The following CCDC175 variants were observed in gnomAD, a reference collection of about 807,000 sequenced individuals.
The protein encoded by CCDC175 is coiled-coil domain containing 175, also known as coiled-coil domain-containing protein 175.
CCDC175 carries 100 observed loss-of-function variants against 114.6 expected under a neutral mutation model. The ratio of observed to expected loss-of-function variants is 0.87; its 90% confidence interval spans 0.74 to 1.03. CCDC175 has a LOEUF of 1.03. Ranked by LOEUF, CCDC175 falls within the 50% of genes least tolerant of loss-of-function variation. The pLI is 0.00. For synonymous variants in CCDC175, 306 were observed against 308.7 expected, an observed-to-expected ratio of 0.99 and a Z score of 0.09; for missense variants, 880 against 917.8, an observed-to-expected ratio of 0.96 and a Z score of 0.53.
intron 10 of CCDC175, among the ~76,000 whole-genome samples, chr14:59,542,802 G>A (rs1474506994): frequency 6.6e-6 from 1 of 151,778 alleles, no homozygotes; most frequent in Non-Finnish European, 1.5e-5. Flanking sequence ...ATCCTCCTAG[G>A]TATAATTTTA....
chr14:59,525,220 C>T (rs1893674178), intron 16 of CCDC175, 62 bp downstream of exon 16: 1 of 1,179,004 alleles, frequency 8.5e-7, no homozygotes, highest in South Asian at 1.9e-5. Flanking sequence ...TCTCTTATAA[C>T]TATTACAGGT....
intron 19 of CCDC175, chr14:59,510,372 C>G (rs559070511): frequency 6.9e-6 from 2 of 289,234 alleles, no homozygotes; most frequent in African/African-American, 2.2e-5. Flanking sequence ...GTTTAAAAAG[C>G]CTTCTCTGGA....
intron 15 of CCDC175, 96 bp downstream of exon 15, chr14:59,526,999 T>C: frequency 1.6e-6 from 1 of 637,752 alleles, no homozygotes; most frequent in Non-Finnish European, 2.5e-6. Context: ...CAAATGTGGA[T>C]TTCATGAAAA....
rs369165673 is a variant in CCDC175, at chr14:59,527,515, T to C, written c.1763-341A>G. ...AACCTCTATATTTCATCCCTAACCTTCCTATAAAGTTATAGTTTTTGTTTA... is the reference window on the plus strand; with the variant it reads ...AACCTCTATATTTCATCCCTAACCTCCCTATAAAGTTATAGTTTTTGTTTA... On this transcript the variant is annotated intron_variant, in intron 14 of 19. Coordinates refer to ENST00000537690, the MANE Select transcript of CCDC175 (RefSeq NM_001164399.2). Among the ~76,000 whole-genome samples, 5 of 152,280 alleles carry C rather than the reference T, an allele frequency of 3.3e-5. No homozygotes were observed. The East Asian group carries it at 9.6e-4, about 29-fold the overall frequency.
chr14:59,563,760 C>G lies in CCDC175; in HGVS notation c.820G>C (p.Glu274Gln). 7.0e-7 allele frequency: 1 copy of G among 1,437,390 alleles called. No individual in the cohort carries two copies. Among genetic ancestry groups the G allele is most frequent in the Non-Finnish European group, 9.1e-7 (1 of 1,097,892 alleles). 89.0% of individuals were successfully genotyped at this position (1,437,390 alleles called of 1,614,324 possible). Residue 274 changes from glutamate (E) to glutamine (Q), a missense_variant, in exon 6 of 20, where the codon GAA becomes CAA. Physicochemically the swap from Glu to Gln is conservative, Grantham distance 29 (BLOSUM62 2). Coordinates refer to ENST00000537690, the MANE Select transcript of CCDC175 (RefSeq NM_001164399.2). ...KLQTKMSKIK[E>Q]TVTVSAAVLS... ...ACCGCTGCGGAAACAGTAACTGTTT[C>G]TTTTATTTTTGACATTTTAGTTTGT...
rs1030277859 is a variant in CCDC175 at position 59,518,765 on chromosome 14, C to G, written c.2098+2809G>C. 1.6e-4 allele frequency among the ~76,000 whole-genome samples: 24 copies of G among 152,086 alleles called. 1 individual carries two copies. The highest frequency in any genetic ancestry group is 5.8e-4 in the African/African-American group (24 of 41,404). ...CATTGTGGAAGTCAGTGTGGTGATTCCTCAGGGATCTAGAACTAGAAATAC... is the reference window on the plus strand; with the variant it reads ...CATTGTGGAAGTCAGTGTGGTGATTGCTCAGGGATCTAGAACTAGAAATAC... On this transcript the variant is annotated intron_variant, in intron 17 of 19. Transcript: ENST00000537690.
At position 59,568,248 on chromosome 14, in the gene CCDC175, A is replaced by G. The variant is rs1247676566; in HGVS notation, c.488T>C (p.Leu163Pro). 1 of 1,528,340 alleles carries G rather than the reference A, an allele frequency of 6.5e-7. No homozygotes were observed. The highest frequency in any genetic ancestry group is 8.7e-7 in the Non-Finnish European group (1 of 1,144,850). 94.7% of individuals were successfully genotyped at this position (1,528,340 alleles called of 1,614,324 possible). Residue 163 changes from leucine to proline, a missense_variant, in exon 4 of 20, where the codon CTG (leucine) becomes CCG (proline). Coordinates refer to ENST00000537690, the MANE Select transcript of CCDC175 (RefSeq NM_001164399.2). ...ITDLTKYNEA[L>P]GEKQEELARK... ...TACTGAATATAAGAATACCTACCCC[A>G]GAGCTTCATTATATTTTGTCAGGTC...
intron 16 of CCDC175, among the ~76,000 whole-genome samples, chr14:59,524,572 G>A (rs1245972907): frequency 4.6e-5 from 7 of 152,200 alleles, no homozygotes; most frequent in Admixed American, 4.6e-4. Context: ...GAAAAAGACA[G>A]TTTTGTGAGA....
intron 7 of CCDC175, among the ~76,000 whole-genome samples, chr14:59,560,391 C>G (rs1356789769): frequency 6.6e-6 from 1 of 152,250 alleles, no homozygotes; most frequent in East Asian, 1.9e-4. Context: ...AAGACTCCAT[C>G]TTCTTGTGCA....
intron 7 of CCDC175, among the ~76,000 whole-genome samples, chr14:59,551,909 C>T (rs539953109): frequency 2.2e-3 from 328 of 152,278 alleles, no homozygotes; most frequent in African/African-American, 6.8e-3. Context: ...AAGGCAGCAG[C>T]GAGGCTGGGG....
chr14:59,537,949 T>G (rs138144821), intron 13 of CCDC175, 74 bp downstream of exon 13: 156 of 1,001,010 alleles, frequency 1.6e-4, no homozygotes, highest in Admixed American at 2.8e-4. Flanking sequence ...CTGATTAGAA[T>G]AGCATGAAAT....
At chr14:59,576,426 G>A (rs927106996) in intron 1 of CCDC175, among the ~76,000 whole-genome samples, 193 bp downstream of exon 1, 4 of 152,174 alleles carry the variant, frequency 2.6e-5, no homozygotes, top group African/African-American at 9.7e-5. Context: ...CTGCGCTAGG[G>A]CAGGAGATCT....
chr14:59,552,522 A>C (rs1477488435), intron 7 of CCDC175, among the ~76,000 whole-genome samples: 6 of 152,202 alleles, frequency 3.9e-5, no homozygotes, highest in Admixed American at 3.9e-4. Flanking sequence ...TGGGGAAAAA[A>C]CAGAGCAGAA....
intron 19 of CCDC175, among the ~76,000 whole-genome samples, chr14:59,508,990 C>T (rs183482431): frequency 1.3e-4 from 20 of 152,280 alleles, no homozygotes; most frequent in African/African-American, 4.3e-4. Context: ...ACAGCCTCTG[C>T]TTATTCTCAT....
chr14:59,561,251 A>G, intron 6 of CCDC175, 23 bp from the exon 7 acceptor site: 2 of 1,285,330 alleles, frequency 1.6e-6, no homozygotes, highest in Non-Finnish European at 2.2e-6. Context: ...AAACAAAAAT[A>G]TGGCATCCAA....
chr14:59,510,511 C>G, intron 19 of CCDC175, 135 bp downstream of exon 19: 1 of 850,248 alleles, frequency 1.2e-6, no homozygotes, highest in Non-Finnish European at 1.9e-6. Context: ...TATCAATGTT[C>G]AATTGAATGT....
intron 7 of CCDC175, among the ~76,000 whole-genome samples, chr14:59,557,839 T>C (rs1896004887): frequency 6.6e-6 from 1 of 152,188 alleles, no homozygotes; most frequent in Non-Finnish European, 1.5e-5. Context: ...CAGATATGTT[T>C]CAGGTACTAG....
chr14:59,515,908 T>G lies in CCDC175; in HGVS notation c.2099-4105A>C, dbSNP rs565765967. Among the ~76,000 whole-genome samples, 34 of 152,306 alleles carry G rather than the reference T, an allele frequency of 2.2e-4. 1 individual carries two copies. The East Asian group carries it at 6.0e-3, about 27-fold the overall frequency. On this transcript the variant is annotated intron_variant, in intron 17 of 19. Coordinates refer to ENST00000537690, the MANE Select transcript of CCDC175 (RefSeq NM_001164399.2). The stretch of plus-strand genomic sequence containing the variant: ...CGCACTTATTCCAAAATTGACCACA[T>G]AGTTGGAACTAAAGCACTCCTCAGC...
intron 13 of CCDC175, among the ~76,000 whole-genome samples, chr14:59,532,273 C>T (rs1234018512): frequency 6.6e-6 from 1 of 152,118 alleles, no homozygotes; most frequent in South Asian, 2.1e-4. Flanking sequence ...AAACAGAATA[C>T]ACTTCTAAGA....
Sources: gnomAD v4.1 joint callset for allele counts (sites outside exome capture counted in the v4.1 genomes callset) on GRCh38, gnomAD v4.1.1 for gene constraint, MANE v1.5 for transcripts, NCBI Gene and HGNC (gene_info 2026-07-23, HGNC 2026-07-21) for gene names.